Variants in AP2M1 observed in about 807,000 individuals in gnomAD.
AP2M1 encodes the protein adaptor related protein complex 2 subunit mu 1.
AP2M1 carries 5 observed loss-of-function variants against 54.5 expected under a neutral mutation model. That is an observed-to-expected ratio of 0.09 (90% confidence interval 0.05 to 0.19). The LOEUF (loss-of-function observed/expected upper bound fraction) is 0.19, where lower values mean the gene tolerates loss of function less well. AP2M1 is among the 10% of genes least tolerant of loss of function. The pLI, the probability that AP2M1 is intolerant of heterozygous loss-of-function variation, is 1.00. For synonymous variants in AP2M1, 186 were observed against 208.2 expected (o/e 0.89, Z 0.92); for missense variants, 178 against 580.2 (o/e 0.31, Z 7.12).
rs781609845 is a variant in AP2M1, at chr3:184,181,000, C to T, written c.565+16C>T. ...TCCCCACAAGGTGAGGTCCCTCTCA[C>T]GACAAAGTTGGAGGGGGCCCAGGGC... is the stretch of plus-strand genomic sequence containing the variant. On this transcript the variant is annotated intron_variant, in intron 6 of 11. Coordinates refer to ENST00000292807, the MANE Select transcript of AP2M1 (RefSeq NM_004068.4). The surrounding 1 kb of genome is among the most constrained non-coding windows in gnomAD (Gnocchi z 4.9). 7.4e-6 allele frequency: 12 copies of T among 1,613,982 alleles called. No individual in the cohort carries two copies. Among genetic ancestry groups the T allele is most frequent in the Admixed American group, 3.3e-5 (2 of 60,012 alleles).
chr3:184,176,630 A>T (rs975850058), intron 1 of AP2M1: 4 of 343,528 alleles, frequency 1.2e-5, no homozygotes, highest in Non-Finnish European at 2.1e-5. Context: ...GAGTCTGCAC[A>T]GGAGGGGGCC....
chr3:184,175,602 A>G (rs1482343374), intron 1 of AP2M1, among the ~76,000 whole-genome samples: 2 of 151,998 alleles, frequency 1.3e-5, no homozygotes, highest in African/African-American at 2.4e-5. Context: ...GACCTTTTCC[A>G]TACTGGAAAC....
At chr3:184,176,544 T>C (rs1715078716) in intron 1 of AP2M1, among the ~76,000 whole-genome samples, 1 of 152,058 alleles carries the variant, frequency 6.6e-6, no homozygotes, top group South Asian at 2.1e-4. Flanking sequence ...CTGAACCAAC[T>C]GGAGTAATGC....
chr3:184,182,043 T>C lies in AP2M1; in HGVS notation c.959T>C (p.Ile320Thr). ...AAACCCTCACTGCTGGCTCAGAAGA[T>C]CGAGGTGAGGACAGGGGGCTCAAGG... ...NFKPSLLAQK[I>T]EVRIPTPLNT... The change falls in exon 9 of 12, where the codon ATC becomes ACC. Residue 320 changes from isoleucine to threonine, a missense_variant. By Grantham distance (89) the Ile-to-Thr change is moderately conservative. Coordinates refer to ENST00000292807, the MANE Select transcript of AP2M1 (RefSeq NM_004068.4). The surrounding 1 kb of genome is among the most constrained non-coding windows in gnomAD (Gnocchi z 5.5). 1 of 1,613,702 alleles carries C rather than the reference T, an allele frequency of 6.2e-7. No individual in the cohort carries two copies.
In AP2M1 at chr3:184,180,781, G is replaced by GA; in HGVS notation, c.430-67dup. 4 of 1,614,162 alleles carry GA rather than the reference G, an allele frequency of 2.5e-6. No homozygotes were observed. The highest frequency in any genetic ancestry group is 3.4e-6 in the Non-Finnish European group (4 of 1,179,994). On this transcript the variant is annotated intron_variant, in intron 5 of 11. Coordinates refer to ENST00000292807, the MANE Select transcript of AP2M1 (RefSeq NM_004068.4). The surrounding 1 kb of genome is among the most constrained non-coding windows in gnomAD (Gnocchi z 4.9). ...GGATGGGGAATGAGGGTGGAGTGGG[G>GA]ATAGAGACAGGATGATTAAAGGGAC...
chr3:184,182,131 G>A lies in AP2M1; in HGVS notation c.964-20G>A. 1 of 1,613,350 alleles carries A rather than the reference G, an allele frequency of 6.2e-7. No individual in the cohort carries two copies. Among genetic ancestry groups the A allele is most frequent in the Non-Finnish European group, 8.5e-7 (1 of 1,179,570 alleles). ...ATGTCACAGCTTGACAGAGCTCCCT[G>A]ACAGGTGTGTCACTTCTAGGTGAGG... On this transcript the variant is annotated intron_variant, in intron 9 of 11. Coordinates refer to ENST00000292807, the MANE Select transcript of AP2M1 (RefSeq NM_004068.4). This position sits in a 1 kb window ranked among gnomAD's most constrained non-coding sequence, Gnocchi z 5.5.
chr3:184,183,928 G>A lies in AP2M1; in HGVS notation c.*312G>A. The stretch of plus-strand genomic sequence containing the variant: ...TTTCCTTCCCACCCCTGTGGCCACA[G>A]CTCTGGAGTGGGAGGGTTGGTTGCC... On this transcript the variant is annotated 3_prime_UTR_variant, in exon 12 of 12. Coordinates refer to ENST00000292807, the MANE Select transcript of AP2M1 (RefSeq NM_004068.4). This position sits in a 1 kb window ranked among gnomAD's most constrained non-coding sequence, Gnocchi z 5.7. 3.2e-6 allele frequency: 1 copy of A among 308,672 alleles called. No homozygotes were observed. Among genetic ancestry groups the A allele is most frequent in the East Asian group, 6.5e-5 (1 of 15,300 alleles). 19.1% of individuals were successfully genotyped at this position (308,672 alleles called of 1,614,324 possible). A position where few individuals can be genotyped will look rare whatever the true frequency, so the allele number is the denominator to read the frequency against.
intron 2 of AP2M1, chr3:184,177,479 C>A (rs1322351699): frequency 1.4e-6 from 2 of 1,450,392 alleles, no homozygotes; most frequent in African/African-American, 2.8e-5. Context: ...ATATCAAACG[C>A]CTTCACTGGA....
chr3:184,183,685 C>G lies in AP2M1; in HGVS notation c.*69C>G. ...ACAGGTCCAGGTGCCGCTCCCTCCC[C>G]CACCACACATCAGTGTCTCCTCCCT... On this transcript the variant is annotated 3_prime_UTR_variant, in exon 12 of 12. Coordinates refer to ENST00000292807, the MANE Select transcript of AP2M1 (RefSeq NM_004068.4). This position sits in a 1 kb window ranked among gnomAD's most constrained non-coding sequence, Gnocchi z 5.7. The G allele has an allele frequency of 6.5e-7, 1 of 1,538,612 alleles. No homozygotes were observed.
Position 184,174,971 on chromosome 3 carries a change from A to G in AP2M1, c.-44+12A>G. The G allele has an allele frequency of 2.5e-6, 1 of 398,654 alleles. No homozygotes were observed. The allele number at this position is 398,654 out of a possible 1,614,324, so 24.7% of individuals were successfully genotyped here. ...GCCGAGGACACCAGGTGAGCCGGGG[A>G]TCTGGCCTTATGGCGTGGAGGAGGA... On this transcript the variant is annotated intron_variant, in intron 1 of 11. Transcript: ENST00000292807.
Position 184,181,977 on chromosome 3 carries a change from G to A in AP2M1, c.893G>A (p.Arg298His), listed in dbSNP as rs1715288498. 2 of 1,614,000 alleles carry A rather than the reference G, an allele frequency of 1.2e-6. No homozygotes were observed. Among genetic ancestry groups the A allele is most frequent in the Non-Finnish European group, 1.7e-6 (2 of 1,180,018 alleles). ...ATCCCGCTAGTGCGAGAAGTGGGAC[G>A]CACCAAACTGGAGGTCAAGGTGGTC... ...RVIPLVREVGRTKLEVKVVIK... is the reference protein window; with the variant it reads ...RVIPLVREVGHTKLEVKVVIK... Residue 298 changes from arginine (R) to histidine (H), a missense_variant, in exon 9 of 12, where the codon CGC (arginine) becomes CAC (histidine). Arg to His is a conservative substitution (Grantham distance 29). Transcript: ENST00000292807. The surrounding 1 kb of genome is among the most constrained non-coding windows in gnomAD (Gnocchi z 5.7).
chr3:184,181,492 CA>C lies in AP2M1; in HGVS notation c.708-203del, dbSNP rs1715272294. 2.4e-6 allele frequency: 2 copies of C among 845,390 alleles called. No individual in the cohort carries two copies. The highest frequency in any genetic ancestry group is 5.4e-5 in the East Asian group (2 of 37,374). 52.4% of individuals were successfully genotyped at this position (845,390 alleles called of 1,614,324 possible). ...CTCTGCCCAGTGTGCCTGAAACACC[CA>C]GGTCCCTAGCAGAAGGAGCCCCAAG... On this transcript the variant is annotated intron_variant, in intron 7 of 11. Transcript: ENST00000292807. The surrounding 1 kb of genome is among the most constrained non-coding windows in gnomAD (Gnocchi z 5.7).
At position 184,178,315 on chromosome 3, in the gene AP2M1, C is replaced by G; in HGVS notation, c.75-542C>G. ...CATCCTTTTTCATTCCCTCAACTTG[C>G]TCTGGAGTTGGATCCTGGGCAAGAA... On this transcript the variant is annotated intron_variant, in intron 2 of 11. Transcript: ENST00000292807. This position sits in a 1 kb window ranked among gnomAD's most constrained non-coding sequence, Gnocchi z 4.9. 1 of 1,451,480 alleles carries G rather than the reference C, an allele frequency of 6.9e-7. No homozygotes were observed. The highest frequency in any genetic ancestry group is 9.3e-7 in the Non-Finnish European group (1 of 1,069,892). The allele number at this position is 1,451,480 out of a possible 1,614,324, so 89.9% of individuals were successfully genotyped here.
chr3:184,182,085 C>T lies in AP2M1; in HGVS notation c.963+38C>T, dbSNP rs762029299. ...GGCTCAAGGAGGAGGAAGAACTTGT[C>T]CCTAGGAATAAAGGTAGCTGATGTC... On this transcript the variant is annotated intron_variant, in intron 9 of 11. Coordinates refer to ENST00000292807, the MANE Select transcript of AP2M1 (RefSeq NM_004068.4). The surrounding 1 kb of genome is among the most constrained non-coding windows in gnomAD (Gnocchi z 5.5). The T allele has an allele frequency of 6.2e-7, 1 of 1,611,136 alleles. No homozygotes were observed. The highest frequency in any genetic ancestry group is 8.5e-7 in the Non-Finnish European group (1 of 1,178,112).
chr3:184,177,118 C>A, intron 2 of AP2M1, 51 bp downstream of exon 2: 1 of 1,564,990 alleles, frequency 6.4e-7, no homozygotes, highest in Non-Finnish European at 8.7e-7. Context: ...GCCCCCCAGC[C>A]CCAGCATACA....
Position 184,178,185 on chromosome 3 carries a change from A to G in AP2M1, c.75-672A>G. 6.5e-7 allele frequency: 1 copy of G among 1,535,200 alleles called. No individual in the cohort carries two copies. Among genetic ancestry groups the G allele is most frequent in the South Asian group, 1.2e-5 (1 of 84,038 alleles). ...TCACTCTCCTCTTCTTGCTGGCGTC[A>G]TTTCTCTCATCCCATCTCATTGGCT... On this transcript the variant is annotated intron_variant, in intron 2 of 11. Transcript: ENST00000292807. The surrounding 1 kb of genome is among the most constrained non-coding windows in gnomAD (Gnocchi z 4.9).
At chr3:184,175,824 C>A (rs1337496049) in intron 1 of AP2M1, among the ~76,000 whole-genome samples, 1 of 152,304 alleles carries the variant, frequency 6.6e-6, no homozygotes, top group Non-Finnish European at 1.5e-5. Flanking sequence ...TTTTGCATCT[C>A]CTCTCCCAGC....
Position 184,177,491 on chromosome 3 carries a change from T to A in AP2M1, c.74+424T>A, listed in dbSNP as rs1715112015. 2.0e-6 allele frequency: 3 copies of A among 1,489,874 alleles called. No individual in the cohort carries two copies. The African/African-American group carries it at 4.2e-5, about 21-fold the overall frequency. The allele number at this position is 1,489,874 out of a possible 1,614,324, so 92.3% of individuals were successfully genotyped here. Reference sequence around the variant, plus strand: ...CCCATATCAAACGCCTTCACTGGATTCTGTTGAAAGCCCCTCCAGGCTGCC... The same window carrying A: ...CCCATATCAAACGCCTTCACTGGATACTGTTGAAAGCCCCTCCAGGCTGCC... On this transcript the variant is annotated intron_variant, in intron 2 of 11. Coordinates refer to ENST00000292807, the MANE Select transcript of AP2M1 (RefSeq NM_004068.4).
Position 184,181,195 on chromosome 3 carries a change from G to T in AP2M1, c.676G>T (p.Gly226Cys). 3 of 1,614,114 alleles carry T rather than the reference G, an allele frequency of 1.9e-6. No homozygotes were observed. The highest frequency in any genetic ancestry group is 2.2e-5 in the South Asian group (2 of 91,028). ...MNDKIVIEKQ[G>C]KGTADETSKS... Reference sequence around the variant, plus strand: ...TGACAAGATTGTTATTGAAAAGCAGGGCAAAGGCACAGCTGATGAAACAAG... The same window carrying T: ...TGACAAGATTGTTATTGAAAAGCAGTGCAAAGGCACAGCTGATGAAACAAG... Residue 226 changes from glycine to cysteine, a missense_variant, in exon 7 of 12, where the codon GGC becomes TGC. Transcript: ENST00000292807. The surrounding 1 kb of genome is among the most constrained non-coding windows in gnomAD (Gnocchi z 5.7).
Sources: allele counts gnomAD v4.1 joint callset (sites outside exome capture counted in the v4.1 genomes callset), GRCh38; gene constraint gnomAD v4.1.1; non-coding constraint Gnocchi (gnomAD v3.1); transcripts MANE v1.5; gene names NCBI Gene and HGNC (gene_info 2026-07-23, HGNC 2026-07-21).